The following USP9X variants were observed in gnomAD, a reference collection of about 807,000 sequenced individuals.
USP9X encodes the protein ubiquitin carboxyl-terminal hydrolase 9X.
Under a neutral mutation model 190.3 loss-of-function variants are expected in USP9X, and 7 were observed. The ratio of observed to expected loss-of-function variants is 0.04; its 90% confidence interval spans 0.02 to 0.07. The LOEUF is 0.07. USP9X is among the 10% of genes least tolerant of loss of function. The pLI, the probability that USP9X is intolerant of heterozygous loss-of-function variation, is 1.00. For synonymous variants in USP9X, 645 were observed against 659.5 expected (o/e 0.98, Z 0.34); for missense variants, 1,010 against 1,916.9 (o/e 0.53, Z 8.83).
At chrX:41,121,205 C>T (rs2062188207) in intron 1 of USP9X, among the ~76,000 whole-genome samples, 1 of 111,056 alleles carries the variant, frequency 9.0e-6, no homozygotes, top group African/African-American at 3.3e-5. Context: ...CATTAATCTG[C>T]CTGTAATTTG....
chrX:41,088,358 G>T (rs1165315094), intron 1 of USP9X, among the ~76,000 whole-genome samples: 2 of 111,874 alleles, frequency 1.8e-5, no homozygotes, highest in Non-Finnish European at 3.8e-5. Flanking sequence ...TCTTCTCAGA[G>T]ATTTTTCTTT....
chrX:41,140,566 C>T, intron 6 of USP9X, 90 bp from the exon 7 acceptor site: 4 of 571,144 alleles, frequency 7.0e-6, no homozygotes, highest in South Asian at 2.8e-5. Flanking sequence ...ATTGAATTTA[C>T]TATTTCTAGT....
intron 33 of USP9X, among the ~76,000 whole-genome samples, chrX:41,212,611 CAT>C (rs1341490984): frequency 9.0e-6 from 1 of 111,543 alleles, no homozygotes; most frequent in African/African-American, 3.3e-5. Flanking sequence ...ACATGCCTGT[CAT>C]ATGGAAGTTT....
chrX:41,183,008 G>C (rs1362833906), intron 21 of USP9X, among the ~76,000 whole-genome samples: 1 of 107,316 alleles, frequency 9.3e-6, no homozygotes, highest in African/African-American at 3.4e-5. Flanking sequence ...GCGCAACCTT[G>C]GCTCACTGCA....
At chrX:41,125,722 G>T (rs868686090) in intron 2 of USP9X, among the ~76,000 whole-genome samples, 22 of 67,349 alleles carry the variant, frequency 3.3e-4, no homozygotes, top group Admixed American at 1.3e-3. Flanking sequence ...TCTCTCTCGC[G>T]CACGCGCGCG....
At chrX:41,181,425 C>A (rs1254353391) in intron 21 of USP9X, among the ~76,000 whole-genome samples, 1 of 94,050 alleles carries the variant, frequency 1.1e-5, no homozygotes, top group Non-Finnish European at 2.1e-5. Flanking sequence ...GTACACACCA[C>A]CACACCTGAC....
At chrX:41,122,591 G>C (rs530311205) in intron 1 of USP9X, among the ~76,000 whole-genome samples, 3 of 111,915 alleles carry the variant, frequency 2.7e-5, no homozygotes, top group South Asian at 7.5e-4. Context: ...CCCCACAGCA[G>C]TGTCTAGGAG....
intron 4 of USP9X, 143 bp from the exon 5 acceptor site, chrX:41,134,582 G>T (rs1308069336): frequency 4.5e-6 from 2 of 442,984 alleles, no homozygotes; most frequent in Non-Finnish European, 7.5e-6. Flanking sequence ...ATATTACTCG[G>T]TTAATCTACT....
At chrX:41,173,529 C>T (rs1034475288) in intron 21 of USP9X, among the ~76,000 whole-genome samples, 5 of 111,400 alleles carry the variant, frequency 4.5e-5, no homozygotes, top group African/African-American at 9.8e-5. Context: ...GTAGTCCCAT[C>T]GCCCACCAAA....
chrX:41,180,742 C>T (rs1209269916), intron 21 of USP9X, among the ~76,000 whole-genome samples: 1 of 111,887 alleles, frequency 8.9e-6, no homozygotes, highest in Non-Finnish European at 1.9e-5. Context: ...ACTTAGTATT[C>T]ATTAAACATT....
chrX:41,218,966 A>G (rs2063237142), intron 37 of USP9X, 136 bp from the exon 38 acceptor site: 1 of 637,199 alleles, frequency 1.6e-6, no homozygotes, highest in African/African-American at 2.3e-5. Context: ...CCCAAGAAGC[A>G]AAATAGTTTA....
chrX:41,170,588 A>G lies in USP9X; in HGVS notation c.2996A>G (p.Asn999Ser), dbSNP rs200361970. 95 of 1,209,470 alleles carry G rather than the reference A, an allele frequency of 7.9e-5. No individual in the cohort carries two copies. The Admixed American group carries it at 1.4e-3, about 18-fold the overall frequency. ...NHGNHYSDGP[N>S]PEVESCLPGV... ...GGTAATCATTACAGTGATGGTCCCA[A>G]TCCAGAAGTGGAAAGCTGTTTGCCT... The change falls in exon 20 of 45, where the codon AAT (asparagine) becomes AGT (serine). Residue 999 changes from asparagine to serine, a missense_variant. This residue lies in a region of USP9X where 351 missense variants were observed against 480.8 expected (regional missense o/e 0.73). Transcript: ENST00000378308.
At position 41,236,145 on chromosome X, in the gene USP9X, A is replaced by G. The variant is rs994554420; in HGVS notation, c.*3621A>G. 1.8e-5 allele frequency: 2 copies of G among 108,525 alleles called. No individual in the cohort carries two copies. The highest frequency in any genetic ancestry group is 6.7e-5 in the African/African-American group (2 of 29,651). 8.9% of individuals were successfully genotyped at this position (108,525 alleles called of 1,213,427 possible). ...CCGATAAAGGAAAACACTCCCCTAC[A>G]CCCCAGTTTTTGTGTTACCAAGAAA... On this transcript the variant is annotated 3_prime_UTR_variant, in exon 45 of 45. Transcript: ENST00000378308.
chrX:41,228,731 G>A (rs1036212813), intron 41 of USP9X, among the ~76,000 whole-genome samples: 5 of 112,256 alleles, frequency 4.5e-5, no homozygotes, highest in African/African-American at 1.3e-4. Flanking sequence ...TAATAAGTTA[G>A]TAAGAGCACA....
chrX:41,130,621 TA>T (rs2062302997), intron 3 of USP9X, among the ~76,000 whole-genome samples: 2 of 109,035 alleles, frequency 1.8e-5, no homozygotes, highest in Non-Finnish European at 3.8e-5. Flanking sequence ...CCCGAGTAGC[TA>T]GGACTACAGG....
chrX:41,125,110 C>T (rs1042099865), intron 2 of USP9X, among the ~76,000 whole-genome samples: 1 of 111,285 alleles, frequency 9.0e-6, no homozygotes, highest in Non-Finnish European at 1.9e-5. Flanking sequence ...GGGTCTTGCT[C>T]TTTTGCCCAG....
intron 6 of USP9X, 81 bp downstream of exon 6, chrX:41,137,103 A>T: frequency 1.1e-6 from 1 of 922,318 alleles, no homozygotes; most frequent in Non-Finnish European, 1.5e-6. Flanking sequence ...CTGTATTTAA[A>T]GTGTGACAAT....
intron 14 of USP9X, among the ~76,000 whole-genome samples, chrX:41,159,432 G>A (rs1264595147): frequency 9.0e-6 from 1 of 111,729 alleles, no homozygotes; most frequent in Non-Finnish European, 1.9e-5. Flanking sequence ...CAAGTAAAAT[G>A]TATACATAAA....
chrX:41,167,604 C>G, intron 17 of USP9X, 27 bp downstream of exon 17: 1 of 1,063,321 alleles, frequency 9.4e-7, no homozygotes, highest in Non-Finnish European at 1.3e-6. Flanking sequence ...ATTAAAACTT[C>G]CATATATAAT....
Sources: allele counts gnomAD v4.1 joint callset (sites outside exome capture counted in the v4.1 genomes callset), GRCh38; gene constraint gnomAD v4.1.1; regional missense constraint gnomAD v4.1.1; transcripts MANE v1.5; gene names NCBI Gene and HGNC (gene_info 2026-07-23, HGNC 2026-07-21).